The following KNDC1 variants were observed in gnomAD, a reference collection of about 807,000 sequenced individuals.
KNDC1 encodes the protein kinase non-catalytic C-lobe domain-containing protein 1.
KNDC1 carries 106 observed loss-of-function variants against 172.8 expected under a neutral mutation model. That is an observed-to-expected ratio of 0.61 (90% CI 0.52 to 0.72). The LOEUF is 0.72. Ranked by LOEUF, KNDC1 falls within the 30% of genes least tolerant of loss-of-function variation. The pLI is 0.00. For missense variants in KNDC1, 2,325 were observed against 2,394.5 expected, an observed-to-expected ratio of 0.97 and a Z score of 0.61; for synonymous variants, 1,083 against 1,062.2, an observed-to-expected ratio of 1.02 and a Z score of -0.38.
At position 133,186,102 on chromosome 10, in the gene KNDC1, C is replaced by T. The variant is rs773199790; in HGVS notation, c.754C>T (p.Arg252Trp). 23 of 1,597,392 alleles carry T rather than the reference C, an allele frequency of 1.4e-5. No individual in the cohort carries two copies. Among genetic ancestry groups the T allele is most frequent in the South Asian group, 6.8e-5 (6 of 88,572 alleles). The change falls in exon 6 of 30, where the codon CGG (arginine) becomes TGG (tryptophan). Residue 252 changes from arginine (R) to tryptophan (W), a missense_variant. Coordinates refer to ENST00000304613, the MANE Select transcript of KNDC1 (RefSeq NM_152643.8). ...TPEGPESETS[R>W]GPRASPTKAL... ...CGAAGGCCCGGAGTCTGAGACGAGC[C>T]GGGGCCCCAGAGCCTCCCCAACCAA... is the stretch of plus-strand genomic sequence containing the variant.
chr10:133,189,904 C>T, intron 9 of KNDC1, 91 bp downstream of exon 9: 1 of 1,099,192 alleles, frequency 9.1e-7, no homozygotes, highest in Non-Finnish European at 1.3e-6. Context: ...CCCATCAGGA[C>T]TCGAGGGAGT....
At position 133,160,422 on chromosome 10, in the gene KNDC1, C is replaced by T. The variant is rs1362411856; in HGVS notation, c.-46C>T. On this transcript the variant is annotated 5_prime_UTR_variant, in exon 1 of 30. Transcript: ENST00000304613. ...AGGGCGCGCGTAGCCGAGCCCAGCC[C>T]AGCCCAGCCGGAGGCCCCGGGGGCG... 12 of 1,330,360 alleles carry T rather than the reference C, an allele frequency of 9.0e-6. No homozygotes were observed. The South Asian group carries it at 9.1e-5, about 10-fold the overall frequency. 82.4% of individuals were successfully genotyped at this position (1,330,360 alleles called of 1,614,324 possible).
chr10:133,162,742 G>A lies in KNDC1; in HGVS notation c.102+2173G>A, dbSNP rs939336150. Among the ~76,000 whole-genome samples, 7 of 152,356 alleles carry A rather than the reference G, an allele frequency of 4.6e-5. No homozygotes were observed. The South Asian group carries it at 6.2e-4, about 14-fold the overall frequency. On this transcript the variant is annotated intron_variant, in intron 1 of 29. Coordinates refer to ENST00000304613, the MANE Select transcript of KNDC1 (RefSeq NM_152643.8). ...AAGGACGGCGCAGCAGCTCTCCCTC[G>A]CGCCAGTGGGAGGACAAATGGAGCA... is the stretch of plus-strand genomic sequence containing the variant.
chr10:133,211,317 A>G, intron 21 of KNDC1, 105 bp from the exon 22 acceptor site: 1 of 1,049,822 alleles, frequency 9.5e-7, no homozygotes, highest in East Asian at 2.7e-5. Flanking sequence ...GCACACATGG[A>G]GCCTGGTCCC....
chr10:133,195,602 T>C, intron 9 of KNDC1, 61 bp from the exon 10 acceptor site: 1 of 1,424,036 alleles, frequency 7.0e-7, no homozygotes, highest in Admixed American at 2.7e-5. Flanking sequence ...GGTGGGCAGG[T>C]CTGCTGGGCA....
chr10:133,180,205 G>A (rs923792709), intron 3 of KNDC1, among the ~76,000 whole-genome samples: 4 of 152,234 alleles, frequency 2.6e-5, no homozygotes, highest in South Asian at 2.1e-4. Context: ...TGACCCCCGC[G>A]GGCAGCACAC....
intron 24 of KNDC1, 141 bp from the exon 25 acceptor site, chr10:133,213,504 C>T: frequency 1.4e-6 from 1 of 696,528 alleles, no homozygotes; most frequent in South Asian, 1.8e-5. Context: ...CAGCCGACCC[C>T]TGTGGACTGT....
At chr10:133,206,502 C>A (rs1364845985) in intron 17 of KNDC1, among the ~76,000 whole-genome samples, 183 bp from the exon 18 acceptor site, 1 of 151,684 alleles carries the variant, frequency 6.6e-6, no homozygotes, top group African/African-American at 2.4e-5. Context: ...CCAGGGCCCC[C>A]CAGACCACAC....
rs935972165 is a variant in KNDC1, at chr10:133,209,503, G to T, written c.3795-1108G>T. ...GTGTGTGGTGTGCGCGTCTGGTTGT[G>T]GAGTTCTGTGTGGCTTTGTGCATGT... On this transcript the variant is annotated intron_variant, in intron 20 of 29. Coordinates refer to ENST00000304613, the MANE Select transcript of KNDC1 (RefSeq NM_152643.8). The surrounding 1 kb of genome is among the most constrained non-coding windows in gnomAD (Gnocchi z 4.9). 6.6e-6 allele frequency among the ~76,000 whole-genome samples: 1 copy of T among 151,590 alleles called. No homozygotes were observed. The highest frequency in any genetic ancestry group is 6.6e-5 in the Admixed American group (1 of 15,204).
intron 3 of KNDC1, among the ~76,000 whole-genome samples, chr10:133,176,841 C>T (rs907969446): frequency 5.9e-5 from 9 of 152,212 alleles, no homozygotes; most frequent in Admixed American, 3.3e-4. Context: ...TTATTGTGCT[C>T]AAGCCATTGG....
intron 3 of KNDC1, 137 bp downstream of exon 3, chr10:133,168,449 G>C: frequency 1.2e-6 from 1 of 854,306 alleles, no homozygotes; most frequent in Non-Finnish European, 1.9e-6. Flanking sequence ...GCTGCTGCCC[G>C]GTTCACTGGG....
chr10:133,176,061 AGTGGATAGGTGGATGGATGGATGG>A (rs1321437983), intron 3 of KNDC1, among the ~76,000 whole-genome samples: 1 of 140,504 alleles, frequency 7.1e-6, no homozygotes, highest in Non-Finnish European at 1.6e-5. Flanking sequence ...TGGGTGGGTG[AGTGGATAGGTGGATGGATGGATGG>A]GTGGATGGGT....
chr10:133,208,811 G>A (rs539118142), intron 20 of KNDC1, among the ~76,000 whole-genome samples: 102 of 152,254 alleles, frequency 6.7e-4, no homozygotes, highest in Admixed American at 1.7e-3. Context: ...CATGTGTGGT[G>A]TGTCCGGGTA....
At chr10:133,206,988 G>A in intron 19 of KNDC1, 35 bp downstream of exon 19, 1 of 1,593,274 alleles carries the variant, frequency 6.3e-7, no homozygotes, top group Non-Finnish European at 8.6e-7. Flanking sequence ...TGCCCCGTGA[G>A]GCAGTAGCTT....
intron 1 of KNDC1, among the ~76,000 whole-genome samples, chr10:133,166,858 A>G (rs1853176068): frequency 2.0e-5 from 3 of 152,254 alleles, no homozygotes; most frequent in South Asian, 4.1e-4. Flanking sequence ...CGGCCGAGCC[A>G]CATGGAGGGA....
chr10:133,224,644 T>C lies in KNDC1; in HGVS notation c.5019-15T>C. The C allele has an allele frequency of 6.2e-7, 1 of 1,608,894 alleles. No homozygotes were observed. Among genetic ancestry groups the C allele is most frequent in the South Asian group, 1.1e-5 (1 of 90,974 alleles). On this transcript the variant is annotated splice_polypyrimidine_tract_variant and intron_variant, in intron 29 of 29. Transcript: ENST00000304613. This position sits in a 1 kb window ranked among gnomAD's most constrained non-coding sequence, Gnocchi z 5.4. ...GCCCTGTGCAAACTAACGTCTCTTC[T>C]TTCCTCAACGGAAGGAACATCGCAA...
chr10:133,179,201 G>C (rs1257102566), intron 3 of KNDC1: 2 of 151,086 alleles, frequency 1.3e-5, no homozygotes, highest in Non-Finnish European at 2.9e-5. Flanking sequence ...GGTGTGGCAG[G>C]ATGCTCCAGC....
In KNDC1 at chr10:133,201,727, C is replaced by T. The variant is rs1854374652; in HGVS notation, c.3216C>T (p.Ser1072=). The T allele has an allele frequency of 2.5e-6, 4 of 1,604,650 alleles. No individual in the cohort carries two copies. Among genetic ancestry groups the T allele is most frequent in the Non-Finnish European group, 8.5e-7 (1 of 1,175,792 alleles). ...AGGCAGTGACCCGACTGGCCAGGTCCAAAGGGGTCGGCCCAGCCTTGTCCC... is the reference window on the plus strand; with the variant it reads ...AGGCAGTGACCCGACTGGCCAGGTCTAAAGGGGTCGGCCCAGCCTTGTCCC... ...DVEAVTRLAR[S]KGVGPALSPG... The change falls in exon 17 of 30, where the codon TCC becomes TCT. Residue 1072 remains serine, a synonymous_variant. Coordinates refer to ENST00000304613, the MANE Select transcript of KNDC1 (RefSeq NM_152643.8).
chr10:133,186,989 C>T (rs368304682), intron 6 of KNDC1, among the ~76,000 whole-genome samples: 1 of 152,204 alleles, frequency 6.6e-6, no homozygotes, highest in East Asian at 1.9e-4. Context: ...AATTTTCTTC[C>T]GGGAAGCAAG....
Sources: allele counts gnomAD v4.1 joint callset (sites outside exome capture counted in the v4.1 genomes callset), GRCh38; gene constraint gnomAD v4.1.1; non-coding constraint Gnocchi (gnomAD v3.1); transcripts MANE v1.5; gene names NCBI Gene and HGNC (gene_info 2026-07-23, HGNC 2026-07-21).